The following EFCAB5 variants were observed in gnomAD, a reference collection of about 807,000 sequenced individuals.
The protein encoded by EFCAB5 is EF-hand calcium-binding domain-containing protein 5.
Under a neutral mutation model 167.9 loss-of-function variants are expected in EFCAB5, and 131 were observed. The ratio of observed to expected loss-of-function variants is 0.78; its 90% CI spans 0.68 to 0.90. The LOEUF is 0.90. Ranked by LOEUF, EFCAB5 falls within the 40% of genes least tolerant of loss-of-function variation. The pLI, the probability that EFCAB5 is intolerant of heterozygous loss-of-function variation, is 0.00. For missense variants in EFCAB5, 1,663 were observed against 1,745.2 expected (o/e 0.95, Z 0.84); for synonymous variants, 574 against 602.8 (o/e 0.95, Z 0.70).
At chr17:30,096,372 C>T (rs925268157) in intron 22 of EFCAB5, among the ~76,000 whole-genome samples, 3 of 151,906 alleles carry the variant, frequency 2.0e-5, no homozygotes, top group African/African-American at 7.3e-5. Flanking sequence ...TGATTAAAGA[C>T]TTTTAAAAAT....
intron 3 of EFCAB5, among the ~76,000 whole-genome samples, chr17:29,953,157 G>T (rs763434011): frequency 6.6e-6 from 1 of 152,042 alleles, no homozygotes; most frequent in South Asian, 2.1e-4. Context: ...CAGCCCAAAA[G>T]CTCCTTAAGG....
At chr17:30,006,183 C>A (rs539544024) in intron 7 of EFCAB5, among the ~76,000 whole-genome samples, 90 of 152,300 alleles carry the variant, frequency 5.9e-4, no homozygotes, top group African/African-American at 2.1e-3. Context: ...CTTATATTAT[C>A]TCAGAATAAA....
intron 7 of EFCAB5, among the ~76,000 whole-genome samples, chr17:30,012,563 T>C (rs548044686): frequency 9.4e-4 from 143 of 152,316 alleles, no homozygotes; most frequent in Non-Finnish European, 1.6e-3. Context: ...TCACTGGAGA[T>C]GGCTCACTCT....
chr17:30,022,391 T>C (rs531315181), intron 7 of EFCAB5, among the ~76,000 whole-genome samples: 9 of 152,194 alleles, frequency 5.9e-5, no homozygotes, highest in African/African-American at 2.2e-4. Context: ...AAAATATTAG[T>C]AAATTAAGGA....
intron 22 of EFCAB5, among the ~76,000 whole-genome samples, chr17:30,105,402 G>T (rs2151862898): frequency 6.6e-6 from 1 of 152,238 alleles, no homozygotes; most frequent in African/African-American, 2.4e-5. Context: ...CAGGAAAATC[G>T]CTTGAACCCA....
At chr17:30,000,729 A>T (rs2068643951) in intron 7 of EFCAB5, among the ~76,000 whole-genome samples, 1 of 152,152 alleles carries the variant, frequency 6.6e-6, no homozygotes, top group Admixed American at 6.5e-5. Context: ...GAATTCTTTT[A>T]AAAATTATTG....
At chr17:29,938,407 G>A (rs556218780), upstream of EFCAB5, among the ~76,000 whole-genome samples, 21 of 152,324 alleles carry the variant, frequency 1.4e-4, no homozygotes, top group African/African-American at 4.3e-4. Context: ...TAACTGATCA[G>A]AGTAGTGGTT....
chr17:29,963,241 CA>C (rs1320119468), intron 3 of EFCAB5, among the ~76,000 whole-genome samples: 1 of 152,126 alleles, frequency 6.6e-6, no homozygotes, highest in Non-Finnish European at 1.5e-5. Context: ...CACACCTGGC[CA>C]ACTGTGGATT....
At chr17:30,098,493 C>T (rs2071335382) in intron 22 of EFCAB5, among the ~76,000 whole-genome samples, 1 of 150,810 alleles carries the variant, frequency 6.6e-6, no homozygotes, top group African/African-American at 2.4e-5. Context: ...GTTTGCACCA[C>T]TACACTCCAG....
intron 22 of EFCAB5, among the ~76,000 whole-genome samples, chr17:30,103,583 A>T (rs554444746): frequency 7.2e-5 from 11 of 152,316 alleles, no homozygotes; most frequent in Non-Finnish European, 1.3e-4. Context: ...CCCGTGTAAC[A>T]TTGATATTTT....
intron 7 of EFCAB5, among the ~76,000 whole-genome samples, chr17:30,009,946 T>A (rs1450864814): frequency 6.6e-6 from 1 of 152,200 alleles, no homozygotes; most frequent in Non-Finnish European, 1.5e-5. Context: ...TTTCTCCTAA[T>A]GCTATCCCTC....
At chr17:30,054,389 G>A (rs1290577528) in intron 10 of EFCAB5, among the ~76,000 whole-genome samples, 3 of 152,108 alleles carry the variant, frequency 2.0e-5, no homozygotes, top group Non-Finnish European at 4.4e-5. Context: ...AATTTCCATT[G>A]CACTAGATTA....
At chr17:30,050,436 A>G (rs1364355146) in intron 8 of EFCAB5, among the ~76,000 whole-genome samples, 1 of 151,968 alleles carries the variant, frequency 6.6e-6, no homozygotes, top group Non-Finnish European at 1.5e-5. Context: ...CGCCTGGCCT[A>G]TATCAGGTTT....
chr17:30,011,232 G>A (rs1018692909), intron 7 of EFCAB5, among the ~76,000 whole-genome samples: 2 of 152,172 alleles, frequency 1.3e-5, no homozygotes, highest in Non-Finnish European at 2.9e-5. Context: ...TTGAAGTCAG[G>A]TAGCATGATG....
At chr17:29,978,757 T>C (rs1024854196) in intron 4 of EFCAB5, among the ~76,000 whole-genome samples, 6 of 152,164 alleles carry the variant, frequency 3.9e-5, no homozygotes, top group African/African-American at 1.4e-4. Context: ...ATTTTTAGGA[T>C]TTTCCGTATA....
chr17:30,020,370 C>CT (rs1388454322), intron 7 of EFCAB5, among the ~76,000 whole-genome samples: 1,946 of 111,406 alleles, frequency 0.017, 19 homozygotes, highest in Non-Finnish European at 0.029. Context: ...TTTTTTTTTT[C>CT]TTTTTTTTTT....
chr17:29,984,659 A>G (rs71371139), intron 4 of EFCAB5, among the ~76,000 whole-genome samples: 1,870 of 152,256 alleles, frequency 0.012, 23 homozygotes, highest in Non-Finnish European at 0.02. Flanking sequence ...CAGAGGTTGC[A>G]GTGAGCCAAG....
intron 18 of EFCAB5, among the ~76,000 whole-genome samples, chr17:30,084,732 T>C (rs557304516): frequency 1.2e-4 from 19 of 152,326 alleles, no homozygotes; most frequent in Admixed American, 2.0e-4. Flanking sequence ...GGCTGCTCTG[T>C]GTCTCAAAGA....
At chr17:30,079,114 C>A (rs2070929626) in intron 15 of EFCAB5, among the ~76,000 whole-genome samples, 1 of 152,180 alleles carries the variant, frequency 6.6e-6, no homozygotes, top group African/African-American at 2.4e-5. Flanking sequence ...ATCATAGATT[C>A]CACTAATCCA....
Sources: gnomAD v4.1 joint callset for allele counts (sites outside exome capture counted in the v4.1 genomes callset) on GRCh38, gnomAD v4.1.1 for gene constraint, MANE v1.5 for transcripts, NCBI Gene and HGNC (gene_info 2026-07-23, HGNC 2026-07-21) for gene names.